The following AK5 variants were observed in gnomAD, a reference collection of about 807,000 sequenced individuals.
AK5 encodes adenylate kinase 5.
In AK5, 27 loss-of-function variants were observed where a neutral mutation model predicts 69.5. That is an observed-to-expected ratio of 0.39 (90% confidence interval 0.29 to 0.54). The LOEUF (loss-of-function observed/expected upper bound fraction) is 0.54. Ranked by LOEUF, AK5 falls within the 20% of genes least tolerant of loss-of-function variation. The pLI, the probability that AK5 is intolerant of heterozygous loss-of-function variation, is 0.71. For synonymous variants in AK5, 260 were observed against 244.4 expected (o/e 1.06, Z -0.60); for missense variants, 531 against 700.4 (o/e 0.76, Z 2.73).
chr1:77,430,877 G>T (rs899516582), intron 8 of AK5, among the ~76,000 whole-genome samples: 1 of 152,284 alleles, frequency 6.6e-6, no homozygotes, highest in East Asian at 1.9e-4. Context: ...GCGCTATAAA[G>T]TGAAGACACT....
At chr1:77,293,678 T>G in intron 2 of AK5, 115 bp from the exon 3 acceptor site, 3 of 878,336 alleles carry the variant, frequency 3.4e-6, no homozygotes, top group Non-Finnish European at 5.1e-6. Flanking sequence ...CTTCTTCCAG[T>G]TAAGAAAAAA....
chr1:77,467,531 A>G (rs150385269), intron 8 of AK5, among the ~76,000 whole-genome samples: 1 of 152,384 alleles, frequency 6.6e-6, no homozygotes, highest in Non-Finnish European at 1.5e-5. Context: ...TAGTTATTTT[A>G]CAGTCCACTT....
At chr1:77,521,619 A>C (rs1176612000) in intron 11 of AK5, among the ~76,000 whole-genome samples, 1 of 152,240 alleles carries the variant, frequency 6.6e-6, no homozygotes, top group Non-Finnish European at 1.5e-5. Flanking sequence ...ACTATGACTC[A>C]GAACTGATTA....
chr1:77,304,278 T>C (rs1321434260), intron 5 of AK5, among the ~76,000 whole-genome samples: 3 of 152,208 alleles, frequency 2.0e-5, no homozygotes, highest in Non-Finnish European at 4.4e-5. Context: ...GTGATGTTTG[T>C]CTTTCTATGC....
intron 8 of AK5, among the ~76,000 whole-genome samples, chr1:77,466,902 A>C (rs1392066230): frequency 1.3e-5 from 2 of 152,192 alleles, no homozygotes; most frequent in Non-Finnish European, 2.9e-5. Context: ...CAACCATAGC[A>C]CCCAGGGTAG....
intron 8 of AK5, among the ~76,000 whole-genome samples, chr1:77,461,389 A>G (rs930248398): frequency 6.6e-6 from 1 of 151,910 alleles, no homozygotes; most frequent in East Asian, 1.9e-4. Flanking sequence ...AAATGTGGTT[A>G]CCAGAGGCTG....
intron 8 of AK5, among the ~76,000 whole-genome samples, chr1:77,461,580 G>A (rs918574684): frequency 1.3e-5 from 2 of 151,716 alleles, no homozygotes; most frequent in East Asian, 3.9e-4. Context: ...GACCACCCTG[G>A]CCAACATGGT....
At chr1:77,499,229 T>G (rs781441241) in intron 10 of AK5, among the ~76,000 whole-genome samples, 1 of 152,232 alleles carries the variant, frequency 6.6e-6, no homozygotes, top group African/African-American at 2.4e-5. Context: ...GAGTGTTTTC[T>G]TAGCTGCAAA....
intron 5 of AK5, among the ~76,000 whole-genome samples, chr1:77,333,698 T>C (rs1480190040): frequency 3.3e-5 from 5 of 152,220 alleles, no homozygotes; most frequent in African/African-American, 1.2e-4. Flanking sequence ...ATGCCCATTA[T>C]TTTGCTTATT....
intron 8 of AK5, among the ~76,000 whole-genome samples, chr1:77,475,367 AC>A (rs1654808046): frequency 8.0e-6 from 1 of 124,998 alleles, no homozygotes; most frequent in Non-Finnish European, 1.6e-5. Context: ...TTATATATAT[AC>A]AAATATATAT....
chr1:77,309,952 A>C (rs981907400), intron 5 of AK5, among the ~76,000 whole-genome samples: 1 of 152,050 alleles, frequency 6.6e-6, no homozygotes, highest in Non-Finnish European at 1.5e-5. Flanking sequence ...TTAAATTGGA[A>C]TTGGTGTATT....
chr1:77,419,676 A>G (rs1284154822), intron 8 of AK5, among the ~76,000 whole-genome samples: 1 of 51,536 alleles, frequency 1.9e-5, no homozygotes, highest in Non-Finnish European at 5.6e-5. Flanking sequence ...ATAGTTGTCA[A>G]ATATGAGAAA....
At chr1:77,311,082 T>C (rs891114710) in intron 5 of AK5, among the ~76,000 whole-genome samples, 2 of 152,140 alleles carry the variant, frequency 1.3e-5, no homozygotes, top group Non-Finnish European at 2.9e-5. Context: ...TAGACAGCCT[T>C]CTTTTCTGTT....
At chr1:77,414,745 C>A (rs115030909) in intron 7 of AK5, among the ~76,000 whole-genome samples, 3 of 152,094 alleles carry the variant, frequency 2.0e-5, no homozygotes, top group African/African-American at 7.2e-5. Flanking sequence ...TTCGTAACAT[C>A]CTAATTTTTC....
chr1:77,379,157 C>G (rs1647448695), intron 6 of AK5, among the ~76,000 whole-genome samples: 1 of 152,310 alleles, frequency 6.6e-6, no homozygotes, highest in South Asian at 2.1e-4. Flanking sequence ...CAGGAAGGAG[C>G]ACTGTGTGGC....
intron 2 of AK5, among the ~76,000 whole-genome samples, chr1:77,289,410 G>A (rs1658550729): frequency 6.6e-6 from 1 of 152,014 alleles, no homozygotes; most frequent in South Asian, 2.1e-4. Context: ...CTTAATGTCT[G>A]GCTCCCTGTT....
intron 8 of AK5, among the ~76,000 whole-genome samples, chr1:77,470,848 TATATATATATATATATATATATA>T (rs1206167900): frequency 0.013 from 168 of 12,826 alleles, 15 homozygotes; most frequent in Middle Eastern, 0.023. Flanking sequence ...TATATATATA[TATATATATATATATATATATATA>T]TATATTTTTT....
intron 6 of AK5, among the ~76,000 whole-genome samples, chr1:77,349,074 A>G (rs1662060179): frequency 6.6e-6 from 1 of 152,190 alleles, no homozygotes; most frequent in South Asian, 2.1e-4. Flanking sequence ...AAAGAAAAAG[A>G]ATAAGCATTT....
At chr1:77,330,045 G>A (rs1661003978) in intron 5 of AK5, among the ~76,000 whole-genome samples, 1 of 152,122 alleles carries the variant, frequency 6.6e-6, no homozygotes, top group Non-Finnish European at 1.5e-5. Flanking sequence ...TAAAAGAGAG[G>A]CAAACCATAC....
Sources: gnomAD v4.1 joint callset for allele counts (sites outside exome capture counted in the v4.1 genomes callset) on GRCh38, gnomAD v4.1.1 for gene constraint, MANE v1.5 for transcripts, NCBI Gene and HGNC (gene_info 2026-07-23, HGNC 2026-07-21) for gene names.